The following TAOK3 variants were observed in gnomAD, a reference collection of about 807,000 sequenced individuals.
The protein encoded by TAOK3 is TAO kinase 3, also known as serine/threonine-protein kinase TAO3.
In TAOK3, 40 loss-of-function variants were observed where a neutral mutation model predicts 120.4. The ratio of observed to expected loss-of-function variants is 0.33; its 90% CI spans 0.26 to 0.43. The LOEUF (loss-of-function observed/expected upper bound fraction) is 0.43. Ranked by LOEUF, TAOK3 falls within the 20% of genes least tolerant of loss-of-function variation. The probability of loss-of-function intolerance (pLI) is 1.00; values close to 1 mark genes in which losing one functional copy is unlikely to be tolerated. For synonymous variants in TAOK3, 355 were observed against 387.5 expected, an observed-to-expected ratio of 0.92 and a Z score of 0.99; for missense variants, 821 against 1,112.1, an observed-to-expected ratio of 0.74 and a Z score of 3.72.
chr12:118,363,086 A>G (rs2045650193), intron 1 of TAOK3, among the ~76,000 whole-genome samples: 1 of 151,654 alleles, frequency 6.6e-6, no homozygotes, highest in Admixed American at 6.6e-5. Flanking sequence ...TTCAAATACC[A>G]ATCTGATAAA....
At chr12:118,340,187 T>C (rs992610742) in intron 1 of TAOK3, among the ~76,000 whole-genome samples, 8 of 152,214 alleles carry the variant, frequency 5.3e-5, no homozygotes, top group Non-Finnish European at 1.2e-4. Flanking sequence ...TATATACATG[T>C]ATTTGTTTGT....
rs535862221 is a variant in TAOK3 at position 118,239,175 on chromosome 12, A to G, written c.340+52T>C. ...CTACACTTTAGTATGGCGGTAGATA[A>G]CATTCTGATCAAAGTAAAACAGAAA... On this transcript the variant is annotated intron_variant, in intron 6 of 20. Transcript: ENST00000392533. 44 of 1,166,000 alleles carry G rather than the reference A, an allele frequency of 3.8e-5. No homozygotes were observed. The East Asian group carries it at 9.8e-4, about 26-fold the overall frequency. The allele number at this position is 1,166,000 out of a possible 1,614,324, so 72.2% of individuals were successfully genotyped here.
chr12:118,183,767 T>C (rs2036911706), intron 14 of TAOK3, among the ~76,000 whole-genome samples: 1 of 152,226 alleles, frequency 6.6e-6, no homozygotes, highest in South Asian at 2.1e-4. Context: ...GAATTTTAGA[T>C]ATGTTTTAGC....
chr12:118,308,886 C>T (rs1193347480), intron 1 of TAOK3, among the ~76,000 whole-genome samples: 1 of 132,226 alleles, frequency 7.6e-6, no homozygotes, highest in African/African-American at 2.9e-5. Flanking sequence ...CCTGAGATCG[C>T]ACCACTGCAC....
rs35462737 is a variant in TAOK3, at chr12:118,324,734, C to CTTTT, written c.-194+47910_-194+47913dup. Among the ~76,000 whole-genome samples the CTTTT allele has an allele frequency of 4.3e-3, 297 of 69,658 alleles. 3 individuals are homozygous for CTTTT. Among genetic ancestry groups the CTTTT allele is most frequent in the Non-Finnish European group, 5.9e-3 (215 of 36,732 alleles). The allele number at this position is 69,658 out of a possible 152,430, so 45.7% of individuals were successfully genotyped here. A position where few individuals can be genotyped will look rare whatever the true frequency, so the allele number is the denominator to read the frequency against. ...TTGTTGCAAAGGACAGAATTTCATT[C>CTTTT]TTTTTTTTTTTTTTTTTTTTTTTTT... On this transcript the variant is annotated intron_variant, in intron 1 of 20. Transcript: ENST00000392533.
At chr12:118,304,569 T>C (rs2042982809) in intron 1 of TAOK3, among the ~76,000 whole-genome samples, 1 of 152,214 alleles carries the variant, frequency 6.6e-6, no homozygotes, top group Admixed American at 6.5e-5. Flanking sequence ...TCAACAACTT[T>C]GCATGGTTAC....
intron 15 of TAOK3, among the ~76,000 whole-genome samples, chr12:118,180,287 C>A (rs2036630759): frequency 6.6e-6 from 1 of 151,324 alleles, no homozygotes; most frequent in South Asian, 2.1e-4. Context: ...GTCACCCAGG[C>A]TAGAGTGCAG....
At chr12:118,327,748 T>G (rs2043990515) in intron 1 of TAOK3, among the ~76,000 whole-genome samples, 2 of 152,200 alleles carry the variant, frequency 1.3e-5, no homozygotes, top group South Asian at 4.1e-4. Flanking sequence ...AAAGATCTAC[T>G]TACAGACCAC....
chr12:118,348,473 C>T (rs12311104), intron 1 of TAOK3, among the ~76,000 whole-genome samples: 4,496 of 149,594 alleles, frequency 0.03, 191 homozygotes, highest in African/African-American at 0.095. Flanking sequence ...TTTTTTGAGA[C>T]GGAGTCTCGC....
chr12:118,216,920 C>T (rs1470197044), intron 9 of TAOK3, among the ~76,000 whole-genome samples: 5 of 116,712 alleles, frequency 4.3e-5, no homozygotes, highest in Non-Finnish European at 6.8e-5. Context: ...CAGAGTGAGA[C>T]TCCATCTCAA....
At chr12:118,344,511 T>G (rs140451780) in intron 1 of TAOK3, among the ~76,000 whole-genome samples, 2 of 152,066 alleles carry the variant, frequency 1.3e-5, no homozygotes, top group African/African-American at 4.8e-5. Context: ...CTAAGAAATG[T>G]GGTATCAACA....
At chr12:118,353,453 A>C (rs2045259872) in intron 1 of TAOK3, among the ~76,000 whole-genome samples, 1 of 152,082 alleles carries the variant, frequency 6.6e-6, no homozygotes, top group Admixed American at 6.6e-5. Flanking sequence ...ATGAAGCTGG[A>C]TAAATAGTGT....
intron 9 of TAOK3, among the ~76,000 whole-genome samples, chr12:118,224,851 G>C (rs1008762683): frequency 9.9e-5 from 15 of 152,102 alleles, no homozygotes; most frequent in Non-Finnish European, 2.1e-4. Flanking sequence ...AGAAGAGACA[G>C]ACACCATAAA....
rs112463901 is a variant in TAOK3, at chr12:118,215,827, G to A, written c.644-1717C>T. 2.0e-3 allele frequency among the ~76,000 whole-genome samples: 300 copies of A among 152,182 alleles called. 1 individual carries two copies. Among genetic ancestry groups the A allele is most frequent in the African/African-American group, 6.7e-3 (279 of 41,524 alleles). On this transcript the variant is annotated intron_variant, in intron 9 of 20. Coordinates refer to ENST00000392533, the MANE Select transcript of TAOK3 (RefSeq NM_016281.4). The stretch of plus-strand genomic sequence containing the variant: ...AATAGCCTTGACCTTTCAGGCTCAT[G>A]AGATCCTCAACCTCTTGAGTAGCTG...
intron 1 of TAOK3, among the ~76,000 whole-genome samples, chr12:118,307,029 C>T (rs1194376751): frequency 6.6e-6 from 1 of 152,098 alleles, no homozygotes; most frequent in Non-Finnish European, 1.5e-5. Flanking sequence ...TTGGACAACA[C>T]AGTTCTAGAT....
intron 14 of TAOK3, among the ~76,000 whole-genome samples, chr12:118,182,235 C>T (rs897188370): frequency 6.6e-6 from 1 of 152,004 alleles, no homozygotes; most frequent in African/African-American, 2.4e-5. Context: ...AATATGTTTA[C>T]ATATTTTTGA....
At position 118,326,806 on chromosome 12, in the gene TAOK3, T is replaced by C. The variant is rs193013277; in HGVS notation, c.-194+45842A>G. On this transcript the variant is annotated intron_variant, in intron 1 of 20. Transcript: ENST00000392533. Reference sequence around the variant, plus strand: ...TTTTTATTATAAAGGTAATACGTGTTCAACAACATTCCAGCGATACAAAGG... The same window carrying C: ...TTTTTATTATAAAGGTAATACGTGTCCAACAACATTCCAGCGATACAAAGG... Among the ~76,000 whole-genome samples the C allele has an allele frequency of 1.3e-4, 20 of 152,312 alleles. No homozygotes were observed. In the East Asian group the frequency reaches 3.5e-3, roughly 26 times the overall value.
chr12:118,325,645 A>G (rs2043905385), intron 1 of TAOK3, among the ~76,000 whole-genome samples: 1 of 151,966 alleles, frequency 6.6e-6, no homozygotes, highest in South Asian at 2.1e-4. Flanking sequence ...TAGTTTGCCA[A>G]TATTTTCTCC....
intron 15 of TAOK3, among the ~76,000 whole-genome samples, chr12:118,180,737 A>T (rs1056330232): frequency 1.3e-5 from 2 of 152,226 alleles, no homozygotes; most frequent in African/African-American, 4.8e-5. Flanking sequence ...TGGCAGATAC[A>T]GTAACAGACT....
Sources: allele counts gnomAD v4.1 joint callset (sites outside exome capture counted in the v4.1 genomes callset), GRCh38; gene constraint gnomAD v4.1.1; transcripts MANE v1.5; gene names NCBI Gene and HGNC (gene_info 2026-07-23, HGNC 2026-07-21).